The following PDE4D variants were observed in gnomAD, a reference collection of about 807,000 sequenced individuals.
PDE4D encodes the protein phosphodiesterase 4D.
PDE4D carries 24 observed loss-of-function variants against 87.4 expected under a neutral mutation model. The ratio of observed to expected loss-of-function variants is 0.27; its 90% CI spans 0.20 to 0.39. The LOEUF is 0.39. Among genes scored for constraint, PDE4D ranks in the 10% least tolerant of loss-of-function variants. The pLI, the probability that PDE4D is intolerant of heterozygous loss-of-function variation, is 1.00. For missense variants in PDE4D, 714 were observed against 1,041.0 expected, an observed-to-expected ratio of 0.69 and a Z score of 4.32; for synonymous variants, 384 against 383.2, an observed-to-expected ratio of 1.00 and a Z score of -0.02.
chr5:59,275,945 C>T (rs943087999), intron 1 of PDE4D: 1 of 985,120 alleles, frequency 1.0e-6, no homozygotes, highest in Admixed American at 6.2e-5. Context: ...AATCTCTCCA[C>T]ACTTTGGCTG....
At chr5:59,777,699 G>T (rs901245425) in intron 1 of PDE4D, among the ~76,000 whole-genome samples, 1 of 152,284 alleles carries the variant, frequency 6.6e-6, no homozygotes, top group South Asian at 2.1e-4. Flanking sequence ...TTGGACACAG[G>T]TGATCCTATT....
intron 1 of PDE4D, among the ~76,000 whole-genome samples, chr5:59,312,237 C>G (rs1449456121): frequency 1.3e-5 from 2 of 152,196 alleles, no homozygotes; most frequent in Non-Finnish European, 2.9e-5. Context: ...AGAGGGCTTC[C>G]CCAAATTGGC....
intron 1 of PDE4D, among the ~76,000 whole-genome samples, chr5:60,212,586 T>C (rs1743361142): frequency 6.6e-6 from 1 of 152,076 alleles, no homozygotes; most frequent in Non-Finnish European, 1.5e-5. Context: ...CCTAGTTTCA[T>C]GGAAAAAGCC....
intron 5 of PDE4D, among the ~76,000 whole-genome samples, chr5:59,050,126 G>T (rs566322505): frequency 6.6e-6 from 1 of 152,130 alleles, no homozygotes; most frequent in Non-Finnish European, 1.5e-5. Flanking sequence ...CATTAGCCAC[G>T]CATGGTGGCG....
At chr5:59,406,660 T>C (rs1281193782) in intron 1 of PDE4D, among the ~76,000 whole-genome samples, 4 of 152,166 alleles carry the variant, frequency 2.6e-5, no homozygotes, top group African/African-American at 9.7e-5. Flanking sequence ...AGTGCTGGGA[T>C]TACAGGTGTG....
chr5:59,053,645 G>GTTTTTTTTT lies in PDE4D; in HGVS notation c.809-14683_809-14675dup. ...TATGAATTAAGTTGTTTTGTTTTTT[G>GTTTTTTTTT]TTTTTTTTTGTTGTTGTTTTTTTTT... is the stretch of plus-strand genomic sequence containing the variant. On this transcript the variant is annotated intron_variant, in intron 5 of 14. Coordinates refer to ENST00000340635, the MANE Select transcript of PDE4D (RefSeq NM_001104631.2). 2.0e-3 allele frequency among the ~76,000 whole-genome samples: 135 copies of GTTTTTTTTT among 68,776 alleles called. 7 individuals are homozygous for GTTTTTTTTT. The highest frequency in any genetic ancestry group is 4.3e-3 in the African/African-American group (84 of 19,362). 45.1% of individuals were successfully genotyped at this position (68,776 alleles called of 152,430 possible).
chr5:60,310,410 A>G (rs1165181695), intron 1 of PDE4D, among the ~76,000 whole-genome samples: 2 of 152,224 alleles, frequency 1.3e-5, no homozygotes, highest in Non-Finnish European at 2.9e-5. Context: ...TAGAACTAAC[A>G]GTGTCTCACT....
At chr5:59,382,855 G>A (rs1786169983) in intron 1 of PDE4D, among the ~76,000 whole-genome samples, 2 of 152,102 alleles carry the variant, frequency 1.3e-5, no homozygotes, top group South Asian at 4.1e-4. Context: ...CCTATAAAAT[G>A]GGGACATTAT....
At chr5:60,110,139 G>C (rs769755495) in intron 2 of PDE4D, among the ~76,000 whole-genome samples, 1 of 151,954 alleles carries the variant, frequency 6.6e-6, no homozygotes, top group Non-Finnish European at 1.5e-5. Flanking sequence ...AGACTTCAGA[G>C]GCACAGTCAA....
chr5:60,243,780 A>G (rs1201998419), intron 1 of PDE4D, among the ~76,000 whole-genome samples: 1 of 151,980 alleles, frequency 6.6e-6, no homozygotes, highest in Admixed American at 6.6e-5. Flanking sequence ...ATCCTCAAAA[A>G]CCTATGTATA....
At chr5:60,005,843 G>A (rs1030702922) in intron 2 of PDE4D, among the ~76,000 whole-genome samples, 2 of 151,694 alleles carry the variant, frequency 1.3e-5, no homozygotes, top group African/African-American at 4.8e-5. Context: ...TTAAAAGGGT[G>A]CAGAGAGAAA....
At chr5:59,773,755 C>T (rs1054819718) in intron 1 of PDE4D, among the ~76,000 whole-genome samples, 3 of 151,842 alleles carry the variant, frequency 2.0e-5, no homozygotes, top group Admixed American at 6.6e-5. Context: ...TATATCATCC[C>T]CTTATCTAAA....
At chr5:59,548,872 T>C (rs997905848) in intron 1 of PDE4D, among the ~76,000 whole-genome samples, 1 of 152,116 alleles carries the variant, frequency 6.6e-6, no homozygotes, top group Non-Finnish European at 1.5e-5. Flanking sequence ...GACACCCCAC[T>C]AGAACTTTTT....
intron 1 of PDE4D, among the ~76,000 whole-genome samples, chr5:59,444,616 T>C (rs1031765674): frequency 6.6e-6 from 1 of 152,004 alleles, no homozygotes; most frequent in Non-Finnish European, 1.5e-5. Flanking sequence ...AACGAGACCA[T>C]CCTGGCTAAC....
intron 5 of PDE4D, among the ~76,000 whole-genome samples, chr5:59,062,846 C>T (rs1414292404): frequency 2.0e-5 from 3 of 151,800 alleles, no homozygotes; most frequent in African/African-American, 4.8e-5. Flanking sequence ...TCCTGCCACC[C>T]CCACCCCCTA....
chr5:59,186,676 C>T (rs532307427), intron 3 of PDE4D, among the ~76,000 whole-genome samples: 1 of 152,218 alleles, frequency 6.6e-6, no homozygotes, highest in South Asian at 2.1e-4. Context: ...GAGCTGTGTA[C>T]GCCTTGGGAC....
In PDE4D at chr5:59,239,881, A is replaced by G. The variant is rs534408304; in HGVS notation, c.456-23913T>C. Among the ~76,000 whole-genome samples the G allele has an allele frequency of 2.9e-4, 44 of 152,350 alleles. No homozygotes were observed. In the South Asian group the frequency reaches 6.4e-3, roughly 22 times the overall value. On this transcript the variant is annotated intron_variant, in intron 1 of 14. Transcript: ENST00000340635. ...AAGGATTACAAAGCACTCACATATT[A>G]AAATGAGTTAATGAATGTGAAAGCA...
At chr5:59,048,412 G>T (rs1344749473) in intron 5 of PDE4D, among the ~76,000 whole-genome samples, 1 of 152,138 alleles carries the variant, frequency 6.6e-6, no homozygotes, top group Non-Finnish European at 1.5e-5. Flanking sequence ...GTATTCCTTA[G>T]AGAAAACAAG....
Position 60,001,128 on chromosome 5 carries a change from T to C in PDE4D, c.43-12411A>G, listed in dbSNP as rs1242530315. 2.0e-5 allele frequency among the ~76,000 whole-genome samples: 3 copies of C among 152,110 alleles called. No homozygotes were observed. In the East Asian group the frequency reaches 5.8e-4, roughly 29 times the overall value. On this transcript the variant is annotated intron_variant, in intron 2 of 16. Coordinates refer to the PDE4D transcript ENST00000502484. Reference sequence around the variant, plus strand: ...CTCTCTCATGTTGATCTGGGGACGGTTCTCCCTACCCATAGACATACTCAG... The same window carrying C: ...CTCTCTCATGTTGATCTGGGGACGGCTCTCCCTACCCATAGACATACTCAG...
Sources: allele counts gnomAD v4.1 joint callset (sites outside exome capture counted in the v4.1 genomes callset), GRCh38; gene constraint gnomAD v4.1.1; transcripts MANE v1.5; gene names NCBI Gene and HGNC (gene_info 2026-07-23, HGNC 2026-07-21).